The following KYAT3 variants were observed in gnomAD, a reference collection of about 807,000 sequenced individuals.
The protein encoded by KYAT3 is kynurenine--oxoglutarate transaminase 3.
Under a neutral mutation model 59.0 loss-of-function variants are expected in KYAT3, and 50 were observed. The ratio of observed to expected loss-of-function variants is 0.85; its 90% CI spans 0.68 to 1.07. KYAT3 has a LOEUF of 1.07. Among genes scored for constraint, KYAT3 ranks in the 50% least tolerant of loss-of-function variants. The pLI, the probability that KYAT3 is intolerant of heterozygous loss-of-function variation, is 0.00. For synonymous variants in KYAT3, 148 were observed against 177.0 expected, an observed-to-expected ratio of 0.84 and a Z score of 1.30; for missense variants, 497 against 533.3, an observed-to-expected ratio of 0.93 and a Z score of 0.67.
At chr1:88,939,599 T>C (rs1191808007) in intron 13 of KYAT3, among the ~76,000 whole-genome samples, 1 of 152,230 alleles carries the variant, frequency 6.6e-6, no homozygotes, top group Non-Finnish European at 1.5e-5. Context: ...TTCCATTTGT[T>C]CTGCTCTTAT....
chr1:88,936,576 A>G (rs184927196), intron 13 of KYAT3, among the ~76,000 whole-genome samples: 7 of 152,308 alleles, frequency 4.6e-5, no homozygotes, highest in African/African-American at 1.4e-4. Flanking sequence ...TCTAATGGCT[A>G]CCACCAAAAT....
intron 2 of KYAT3, among the ~76,000 whole-genome samples, chr1:88,978,221 C>G (rs1676889432): frequency 6.6e-6 from 1 of 152,200 alleles, no homozygotes; most frequent in South Asian, 2.1e-4. Flanking sequence ...TGTTTAAACA[C>G]AGATCTTAAA....
chr1:88,984,328 C>G (rs1677317666), intron 2 of KYAT3, among the ~76,000 whole-genome samples: 1 of 148,360 alleles, frequency 6.7e-6, no homozygotes, highest in African/African-American at 2.5e-5. Flanking sequence ...CATTCTTGTG[C>G]CTCAGCCACC....
At chr1:88,982,626 G>A (rs1315415891) in intron 2 of KYAT3, 1 of 1,564,490 alleles carries the variant, frequency 6.4e-7, no homozygotes, top group East Asian at 2.3e-5. Flanking sequence ...CTTTGAACTG[G>A]GATTTTGGTC....
At position 88,943,381 on chromosome 1, in the gene KYAT3, T is replaced by G. The variant is rs765905338; in HGVS notation, c.1184A>C (p.Tyr395Ser). Residue 395 changes from tyrosine (Y) to serine (S), a missense_variant, in exon 12 of 14, where the codon TAT becomes TCT. Tyr to Ser is a moderately radical substitution (Grantham distance 144). Around this residue, in one of 2 missense-constraint regions of KYAT3, gnomAD observed 469 missense variants for 479.1 expected, o/e 0.98. Coordinates refer to ENST00000260508, the MANE Select transcript of KYAT3 (RefSeq NM_001008661.3). ...TTTAGTCATCCATTTCACAAACTTATAGTCATAAGGCTCATTATTCTTCAT... is the reference window on the plus strand; with the variant it reads ...TTTAGTCATCCATTTCACAAACTTAGAGTCATAAGGCTCATTATTCTTCAT... ...SDMKNNEPYD[Y>S]KFVKWMTKHK... 6.3e-7 allele frequency: 1 copy of G among 1,584,196 alleles called. No individual in the cohort carries two copies. Among genetic ancestry groups the G allele is most frequent in the South Asian group, 1.1e-5 (1 of 87,560 alleles).
chr1:88,981,909 A>C, intron 2 of KYAT3: 1 of 939,098 alleles, frequency 1.1e-6, no homozygotes, highest in Non-Finnish European at 1.3e-6. Flanking sequence ...AAAGTGAGAC[A>C]TTAGAGTTGC....
rs764784955 is a variant in KYAT3, at chr1:88,968,652, T to C, written c.303+18A>G. ...ATAAAATAAAAGCTCATGGCCCATA[T>C]GGTCTTGATATACTTACAAAGCCTC... On this transcript the variant is annotated intron_variant, in intron 4 of 13. Transcript: ENST00000260508. 1 of 1,534,104 alleles carries C rather than the reference T, an allele frequency of 6.5e-7. No homozygotes were observed. The highest frequency in any genetic ancestry group is 1.3e-5 in the South Asian group (1 of 78,180).
intron 2 of KYAT3, chr1:88,983,821 A>G: frequency 6.2e-7 from 1 of 1,609,306 alleles, no homozygotes; most frequent in Non-Finnish European, 8.5e-7. Flanking sequence ...GATCTGCTTC[A>G]ACCATTTTTT....
chr1:88,984,203 GCTT>G (rs1677299127), intron 2 of KYAT3: 3 of 98,324 alleles, frequency 3.1e-5, no homozygotes, highest in Non-Finnish European at 4.4e-5. Flanking sequence ...TTTTTTTGTT[GCTT>G]TTTTTTTTTT....
intron 8 of KYAT3, among the ~76,000 whole-genome samples, chr1:88,955,519 C>A (rs949812480): frequency 6.6e-6 from 1 of 152,104 alleles, no homozygotes; most frequent in African/African-American, 2.4e-5. Context: ...TTCCAGACTG[C>A]CTTAAGTGGC....
At position 88,964,814 on chromosome 1, in the gene KYAT3, T is replaced by A; in HGVS notation, c.453+15A>T. On this transcript the variant is annotated intron_variant, in intron 5 of 13. Transcript: ENST00000260508. ...TTGATTAATATGGGTATTACGATAA[T>A]GTTAATATACTTACTTCATCTCCCT... 6.4e-7 allele frequency: 1 copy of A among 1,563,502 alleles called. No individual in the cohort carries two copies. Among genetic ancestry groups the A allele is most frequent in the African/African-American group, 1.4e-5 (1 of 72,934 alleles).
At chr1:88,991,497 T>G (rs1036685728) in intron 1 of KYAT3, among the ~76,000 whole-genome samples, 1 of 152,220 alleles carries the variant, frequency 6.6e-6, no homozygotes, top group Admixed American at 6.5e-5. Context: ...GTTAGTTTGC[T>G]TCTAGAATGT....
chr1:88,972,967 G>A (rs746772189), intron 2 of KYAT3, among the ~76,000 whole-genome samples: 11 of 152,154 alleles, frequency 7.2e-5, no homozygotes, highest in African/African-American at 4.8e-5. Flanking sequence ...CAGTTCCTCC[G>A]GATGTAATCT....
intron 11 of KYAT3, among the ~76,000 whole-genome samples, chr1:88,947,078 A>C (rs1201234298): frequency 6.6e-6 from 1 of 152,142 alleles, no homozygotes; most frequent in Non-Finnish European, 1.5e-5. Context: ...TGCCTGAGAC[A>C]ACCACCTCCT....
chr1:88,986,193 AGAGAG>A (rs1677443321), intron 2 of KYAT3, among the ~76,000 whole-genome samples: 1 of 119,484 alleles, frequency 8.4e-6, no homozygotes. Flanking sequence ...AAAAAAAAAA[AGAGAG>A]AGAGAGAGAG....
chr1:88,967,018 T>C (rs1676374701), intron 4 of KYAT3, among the ~76,000 whole-genome samples: 1 of 152,116 alleles, frequency 6.6e-6, no homozygotes, highest in African/African-American at 2.4e-5. Flanking sequence ...CCTGCATTCC[T>C]ATGGTAAACC....
At chr1:88,926,103 A>C in the KYAT3 span, among the ~76,000 whole-genome samples, 4 of 152,264 alleles carry the variant, frequency 2.6e-5, no homozygotes, top group African/African-American at 9.6e-5. Flanking sequence ...AGGAAACCTC[A>C]TTGTGAGCAC....
chr1:88,986,399 G>A (rs1008984493), intron 2 of KYAT3, among the ~76,000 whole-genome samples: 4 of 151,850 alleles, frequency 2.6e-5, no homozygotes, highest in African/African-American at 7.3e-5. Context: ...GCCGAGGCAG[G>A]TGGATCACAA....
rs1387132673 is a variant in KYAT3 at position 88,961,297 on chromosome 1, A to G, written c.667-10T>C. ...CCTCTCTGTTATACACCTACACATA[A>G]TAAAGGAAAGAGCACAGCCAATTAT... On this transcript the variant is annotated splice_polypyrimidine_tract_variant and intron_variant, in intron 7 of 13. Coordinates refer to ENST00000260508, the MANE Select transcript of KYAT3 (RefSeq NM_001008661.3). 2 of 1,613,686 alleles carry G rather than the reference A, an allele frequency of 1.2e-6. No homozygotes were observed. Among genetic ancestry groups the G allele is most frequent in the Non-Finnish European group, 8.5e-7 (1 of 1,179,894 alleles).
Sources: gnomAD v4.1 joint callset for allele counts (sites outside exome capture counted in the v4.1 genomes callset) on GRCh38, gnomAD v4.1.1 for gene constraint, gnomAD v4.1.1 regional missense constraint, MANE v1.5 for transcripts, NCBI Gene and HGNC (gene_info 2026-07-23, HGNC 2026-07-21) for gene names.